Variants in RPS6KA6 observed in about 807,000 individuals in gnomAD.
RPS6KA6 encodes the protein ribosomal protein S6 kinase A6.
A neutral mutation model predicts 65.4 loss-of-function variants in RPS6KA6; 27 were observed. The observed-to-expected ratio is 0.41, with a 90% CI of 0.30 to 0.57. The LOEUF is 0.57. RPS6KA6 is among the 20% of genes least tolerant of loss of function. The probability of loss-of-function intolerance (pLI) is 0.24; values close to 1 mark genes in which losing one functional copy is unlikely to be tolerated. For missense variants in RPS6KA6, 486 were observed against 555.6 expected (o/e 0.87, Z 1.26); for synonymous variants, 190 against 184.2 (o/e 1.03, Z -0.26).
intron 20 of RPS6KA6, among the ~76,000 whole-genome samples, chrX:84,083,089 T>G (rs1339756415): frequency 8.9e-6 from 1 of 112,257 alleles, no homozygotes; most frequent in African/African-American, 3.2e-5. Flanking sequence ...AAGCCAAAAC[T>G]GACAAATGGG....
chrX:84,106,869 A>C, intron 14 of RPS6KA6, 41 bp downstream of exon 14: 1 of 1,057,596 alleles, frequency 9.5e-7, no homozygotes, highest in Non-Finnish European at 1.3e-6. Context: ...ACAGAGAAAT[A>C]ATTATCCCAA....
chrX:84,112,647 C>T (rs764536471), intron 12 of RPS6KA6, among the ~76,000 whole-genome samples: 2 of 111,557 alleles, frequency 1.8e-5, no homozygotes, highest in East Asian at 2.8e-4. Context: ...CATAACAAAA[C>T]GTCTGAGACA....
At chrX:84,175,122 A>G (rs1017972814) in intron 1 of RPS6KA6, among the ~76,000 whole-genome samples, 3 of 111,582 alleles carry the variant, frequency 2.7e-5, no homozygotes, top group Non-Finnish European at 5.7e-5. Context: ...CATTAAAAAT[A>G]TATTATTTGG....
At position 84,061,195 on chromosome X, in the gene RPS6KA6, T is replaced by A. The variant is rs1001508148; in HGVS notation, c.*3082A>T. ...TTTCTTGTGGGCCTTAGGGCCAAGATAAATGGTTGTTTTCCTTCTTCATAT... is the reference window on the plus strand; with the variant it reads ...TTTCTTGTGGGCCTTAGGGCCAAGAAAAATGGTTGTTTTCCTTCTTCATAT... On this transcript the variant is annotated 3_prime_UTR_variant, in exon 22 of 22. Transcript: ENST00000262752. The A allele has an allele frequency of 8.9e-6, 1 of 112,489 alleles. No individual in the cohort carries two copies. The highest frequency in any genetic ancestry group is 1.9e-5 in the Non-Finnish European group (1 of 53,202). 9.3% of individuals were successfully genotyped at this position (112,489 alleles called of 1,213,427 possible).
intron 18 of RPS6KA6, among the ~76,000 whole-genome samples, chrX:84,100,521 A>G (rs1035665378): frequency 9.0e-6 from 1 of 111,363 alleles, no homozygotes; most frequent in Non-Finnish European, 1.9e-5. Context: ...TTAAGTCAAT[A>G]TTAAATATTT....
At position 84,097,759 on chromosome X, in the gene RPS6KA6, A is replaced by G. The variant is rs144269005; in HGVS notation, c.1853+13T>C. ...AATAACAATGTTAATGCTTTTGAAT[A>G]TATGTTTCTTACCCAGCCAACATTG... On this transcript the variant is annotated intron_variant, in intron 19 of 21. Coordinates refer to ENST00000262752, the MANE Select transcript of RPS6KA6 (RefSeq NM_014496.5). 3.2e-3 allele frequency: 3,461 copies of G among 1,094,619 alleles called. 32 individuals carry two copies. In the African/African-American group the frequency reaches 0.034, roughly 11 times the overall value. 90.2% of individuals were successfully genotyped at this position (1,094,619 alleles called of 1,213,427 possible).
At chrX:84,179,096 T>C (rs2035810072) in intron 1 of RPS6KA6, among the ~76,000 whole-genome samples, 1 of 111,380 alleles carries the variant, frequency 9.0e-6, no homozygotes, top group Non-Finnish European at 1.9e-5. Context: ...TTGAACAATT[T>C]CAAAAAATTT....
chrX:84,145,264 T>G (rs1391411662), intron 6 of RPS6KA6, among the ~76,000 whole-genome samples: 1 of 111,281 alleles, frequency 9.0e-6, no homozygotes, highest in Non-Finnish European at 1.9e-5. Flanking sequence ...CTTTATCCAG[T>G]TATTCATATT....
At chrX:84,118,008 C>A (rs2034601086) in intron 9 of RPS6KA6, among the ~76,000 whole-genome samples, 1 of 110,885 alleles carries the variant, frequency 9.0e-6, no homozygotes, top group Non-Finnish European at 1.9e-5. Context: ...CTTAGTTGTA[C>A]ACAGAAGAAG....
chrX:84,158,727 T>C (rs376447887), intron 2 of RPS6KA6, among the ~76,000 whole-genome samples: 4 of 111,545 alleles, frequency 3.6e-5, no homozygotes, highest in African/African-American at 1.3e-4. Context: ...TAAAGACATA[T>C]GTTCCTAGGC....
At chrX:84,134,541 T>C (rs763196779) in intron 8 of RPS6KA6, among the ~76,000 whole-genome samples, 22 of 111,371 alleles carry the variant, frequency 2.0e-4, no homozygotes, top group Non-Finnish European at 2.5e-4. Context: ...TGATGTATTG[T>C]TACCTAGAAA....
intron 6 of RPS6KA6, among the ~76,000 whole-genome samples, chrX:84,144,924 T>C (rs2035173388): frequency 9.0e-6 from 1 of 110,760 alleles, no homozygotes; most frequent in Non-Finnish European, 1.9e-5. Context: ...AAAATGAATA[T>C]ACTATATGAT....
At chrX:84,126,762 A>T (rs2034796621) in intron 8 of RPS6KA6, among the ~76,000 whole-genome samples, 1 of 111,749 alleles carries the variant, frequency 8.9e-6, no homozygotes, top group African/African-American at 3.2e-5. Context: ...GTCAATAAAA[A>T]AATTAAGAAA....
chrX:84,132,130 A>G (rs937350457), intron 8 of RPS6KA6, among the ~76,000 whole-genome samples: 1 of 111,587 alleles, frequency 9.0e-6, no homozygotes, highest in African/African-American at 3.3e-5. Context: ...TCTCTCAGAA[A>G]ACACATTATA....
At chrX:84,134,337 T>G (rs2034955836) in intron 8 of RPS6KA6, among the ~76,000 whole-genome samples, 1 of 111,907 alleles carries the variant, frequency 8.9e-6, no homozygotes, top group Non-Finnish European at 1.9e-5. Context: ...TTTTTATTTT[T>G]CTAGGATAAA....
At chrX:84,081,914 C>G in intron 20 of RPS6KA6, among the ~76,000 whole-genome samples, 1 of 112,023 alleles carries the variant, frequency 8.9e-6, no homozygotes, top group Non-Finnish European at 1.9e-5. Flanking sequence ...GCTAAAAACT[C>G]TCAATAAACT....
chrX:84,119,785 C>T (rs778598697), intron 9 of RPS6KA6, 100 bp downstream of exon 9: 2 of 525,899 alleles, frequency 3.8e-6, no homozygotes, highest in South Asian at 8.6e-5. Context: ...ATTATCAGAA[C>T]CCCTTTCTGA....
chrX:84,187,780 C>A, intron 1 of RPS6KA6, 39 bp downstream of exon 1: 1 of 1,163,338 alleles, frequency 8.6e-7, no homozygotes, highest in Non-Finnish European at 1.2e-6. Context: ...GGGAAGGAGG[C>A]GGGGGTTGGC....
chrX:84,151,467 T>TC (rs2147568549), intron 3 of RPS6KA6, among the ~76,000 whole-genome samples: 1 of 110,344 alleles, frequency 9.1e-6, no homozygotes, highest in South Asian at 3.8e-4. Context: ...AAAAAGAGTA[T>TC]CAGTTGTTTT....
Sources: allele counts gnomAD v4.1 joint callset (sites outside exome capture counted in the v4.1 genomes callset), GRCh38; gene constraint gnomAD v4.1.1; transcripts MANE v1.5; gene names NCBI Gene and HGNC (gene_info 2026-07-23, HGNC 2026-07-21).